The following MAPT variants were observed in gnomAD, a reference collection of about 807,000 sequenced individuals.
MAPT encodes the protein microtubule-associated protein tau.
In MAPT, 34 loss-of-function variants were observed where a neutral mutation model predicts 67.9. That is an observed-to-expected ratio of 0.50 (90% confidence interval 0.38 to 0.67). MAPT has a LOEUF of 0.67. MAPT is among the 30% of genes least tolerant of loss of function. MAPT has a pLI of 0.00. For missense variants in MAPT, 881 were observed against 1,115.2 expected, an observed-to-expected ratio of 0.79 and a Z score of 2.99; for synonymous variants, 456 against 464.5, an observed-to-expected ratio of 0.98 and a Z score of 0.23.
intron 9 of MAPT, among the ~76,000 whole-genome samples, chr17:46,003,907 G>C (rs1184273209): frequency 1.3e-5 from 2 of 152,252 alleles, no homozygotes; most frequent in Non-Finnish European, 2.9e-5. Context: ...TTAAAGGACA[G>C]TGTAAATAAT....
intron 1 of MAPT, among the ~76,000 whole-genome samples, chr17:45,943,824 C>A (rs758080968): frequency 1.1e-4 from 17 of 152,184 alleles, no homozygotes; most frequent in Non-Finnish European, 2.2e-4. Context: ...GGAACAGATT[C>A]TCTGGTTCTC....
intron 1 of MAPT, among the ~76,000 whole-genome samples, chr17:45,911,742 C>T (rs761970378): frequency 5.9e-5 from 9 of 151,888 alleles, no homozygotes; most frequent in African/African-American, 4.8e-5. Context: ...GCAGCCTGGG[C>T]GTCAGAACGA....
chr17:45,907,231 A>G lies in MAPT; in HGVS notation c.-18+12545A>G, dbSNP rs561083264. 2.0e-5 allele frequency among the ~76,000 whole-genome samples: 3 copies of G among 151,664 alleles called. No homozygotes were observed. In the East Asian group the frequency reaches 5.8e-4, roughly 29 times the overall value. Reference sequence around the variant, plus strand: ...GCCGTGCTCTTTCTGCCCCTTGCTCACCCATGGCAGCCTTGCCCCTCTCTC... The same window carrying G: ...GCCGTGCTCTTTCTGCCCCTTGCTCGCCCATGGCAGCCTTGCCCCTCTCTC... On this transcript the variant is annotated intron_variant, in intron 1 of 12. Transcript: ENST00000262410.
At chr17:45,931,187 C>A (rs1309438680) in intron 1 of MAPT, among the ~76,000 whole-genome samples, 1 of 152,144 alleles carries the variant, frequency 6.6e-6, no homozygotes, top group Non-Finnish European at 1.5e-5. Context: ...CATCGTGTGC[C>A]ATGTTATGGA....
intron 3 of MAPT, 121 bp from the exon 4 acceptor site, chr17:45,978,251 ATTC>A: frequency 2.5e-6 from 2 of 802,784 alleles, no homozygotes; most frequent in Non-Finnish European, 4.5e-6. Context: ...GCACCTTGGT[ATTC>A]TTGGGATGTG....
At chr17:45,950,950 A>G (rs2069009581) in intron 1 of MAPT, among the ~76,000 whole-genome samples, 1 of 152,218 alleles carries the variant, frequency 6.6e-6, no homozygotes, top group South Asian at 2.1e-4. Context: ...GGTGTGAGCC[A>G]CCGCACTCGG....
intron 3 of MAPT, chr17:45,973,987 G>T (rs1411665611): frequency 2.4e-5 from 5 of 205,730 alleles, no homozygotes; most frequent in Non-Finnish European, 5.0e-5. Context: ...AAGCCTCACA[G>T]CAAAACCATA....
Position 46,027,288 on chromosome 17 carries a change from T to C in MAPT, c.*3117T>C, listed in dbSNP as rs1411528205. 1 of 152,694 alleles carries C rather than the reference T, an allele frequency of 6.5e-6. No individual in the cohort carries two copies. Among genetic ancestry groups the C allele is most frequent in the Non-Finnish European group, 1.5e-5 (1 of 68,136 alleles). The allele number at this position is 152,694 out of a possible 1,614,324, so 9.5% of individuals were successfully genotyped here. A position where few individuals can be genotyped will look rare whatever the true frequency, so the allele number is the denominator to read the frequency against. On this transcript the variant is annotated 3_prime_UTR_variant, in exon 13 of 13. Coordinates refer to ENST00000262410, the MANE Select transcript of MAPT (RefSeq NM_001377265.1). ...GCCAGCCTAAGATCATGGTTTAGGG[T>C]GATCAGTGCTGGCAGATAAATTGAA...
rs779628120 is a variant in MAPT at position 45,978,245 on chromosome 17, C to T, written c.221-130C>T. On this transcript the variant is annotated intron_variant, in intron 3 of 12. Coordinates refer to ENST00000262410, the MANE Select transcript of MAPT (RefSeq NM_001377265.1). The stretch of plus-strand genomic sequence containing the variant: ...TGCAGAGAAGCCAGAGCTGAGGCAC[C>T]TTGGTATTCTTGGGATGTGACTTTC... The T allele has an allele frequency of 2.1e-4, 162 of 785,616 alleles. No individual in the cohort carries two copies. The African/African-American group carries it at 2.6e-3, about 13-fold the overall frequency. The allele number at this position is 785,616 out of a possible 1,614,324, so 48.7% of individuals were successfully genotyped here.
intron 2 of MAPT, among the ~76,000 whole-genome samples, chr17:45,969,561 TCATC>T (rs2071429446): frequency 2.1e-5 from 3 of 144,328 alleles, no homozygotes. Context: ...ATCCATCCAT[TCATC>T]CATCCATCCA....
chr17:45,987,902 G>A (rs2073720478), intron 6 of MAPT, among the ~76,000 whole-genome samples: 1 of 152,194 alleles, frequency 6.6e-6, no homozygotes, highest in African/African-American at 2.4e-5. Flanking sequence ...AGTGCTGGGG[G>A]CAGGGGGCAG....
chr17:45,950,815 A>G (rs1370189257), intron 1 of MAPT, among the ~76,000 whole-genome samples: 1 of 152,078 alleles, frequency 6.6e-6, no homozygotes, highest in African/African-American at 2.4e-5. Context: ...GATATGTGCC[A>G]CTATGCCCAG....
intron 1 of MAPT, among the ~76,000 whole-genome samples, chr17:45,909,289 C>G (rs975455690): frequency 5.3e-5 from 8 of 152,186 alleles, no homozygotes; most frequent in African/African-American, 1.9e-4. Flanking sequence ...GGGGACTCCA[C>G]TACTAAGGCT....
intron 1 of MAPT, among the ~76,000 whole-genome samples, chr17:45,957,230 C>G (rs992563628): frequency 6.6e-6 from 1 of 152,104 alleles, no homozygotes; most frequent in African/African-American, 2.4e-5. Flanking sequence ...TAAAAGTGTT[C>G]CTATTTCTCC....
intron 1 of MAPT, among the ~76,000 whole-genome samples, chr17:45,935,869 A>G (rs11867549): frequency 0.18 from 27,314 of 152,106 alleles, 3,333 homozygotes; most frequent in Non-Finnish European, 0.26. Context: ...GTCTCCTCTC[A>G]GCTCCAGCAA....
intron 9 of MAPT, among the ~76,000 whole-genome samples, chr17:45,997,347 C>T (rs983401059): frequency 6.6e-6 from 1 of 152,190 alleles, no homozygotes; most frequent in East Asian, 1.9e-4. Context: ...CAGGTGTGGG[C>T]GGGTGGGTTT....
rs141618673 is a variant in MAPT at position 45,968,084 on chromosome 17, T to G, written c.134-3775T>G. Among the ~76,000 whole-genome samples, 7 of 152,300 alleles carry G rather than the reference T, an allele frequency of 4.6e-5. No individual in the cohort carries two copies. The East Asian group carries it at 1.2e-3, about 25-fold the overall frequency. ...CCCACTGAGGCCCCAGAGCCATTCCTTAAAGCAGCGCGCCACAAACTATAA... is the reference window on the plus strand; with the variant it reads ...CCCACTGAGGCCCCAGAGCCATTCCGTAAAGCAGCGCGCCACAAACTATAA... On this transcript the variant is annotated intron_variant, in intron 2 of 12. Coordinates refer to ENST00000262410, the MANE Select transcript of MAPT (RefSeq NM_001377265.1).
intron 1 of MAPT, among the ~76,000 whole-genome samples, chr17:45,938,300 A>G (rs1255085979): frequency 6.6e-6 from 1 of 152,234 alleles, no homozygotes; most frequent in Non-Finnish European, 1.5e-5. Context: ...TAAAGGTTTC[A>G]TGCATTCCTT....
intron 1 of MAPT, among the ~76,000 whole-genome samples, chr17:45,909,271 C>T (rs2064571536): frequency 6.6e-6 from 1 of 152,136 alleles, no homozygotes; most frequent in Admixed American, 6.5e-5. Flanking sequence ...ACCTGGACCC[C>T]ATGTCACGGG....
Sources: allele counts gnomAD v4.1 joint callset (sites outside exome capture counted in the v4.1 genomes callset), GRCh38; gene constraint gnomAD v4.1.1; transcripts MANE v1.5; gene names NCBI Gene and HGNC (gene_info 2026-07-23, HGNC 2026-07-21).